Variants in ATF6 observed in about 807,000 individuals in gnomAD.
ATF6 encodes the protein activating transcription factor 6, also known as cyclic AMP-dependent transcription factor ATF-6 alpha.
A neutral mutation model predicts 83.6 loss-of-function variants in ATF6; 53 were observed. The ratio of observed to expected loss-of-function variants is 0.63; its 90% CI spans 0.51 to 0.80. The LOEUF is 0.80. ATF6 is among the 30% of genes least tolerant of loss of function. The pLI is 0.00. For synonymous variants in ATF6, 288 were observed against 285.8 expected, an observed-to-expected ratio of 1.01 and a Z score of -0.08; for missense variants, 744 against 797.9, an observed-to-expected ratio of 0.93 and a Z score of 0.81.
At chr1:161,798,264 G>C (rs1234690741) in intron 6 of ATF6, among the ~76,000 whole-genome samples, 1 of 152,172 alleles carries the variant, frequency 6.6e-6, no homozygotes, top group Non-Finnish European at 1.5e-5. Flanking sequence ...AAGATTTCAT[G>C]ATGAAGACTC....
intron 12 of ATF6, among the ~76,000 whole-genome samples, 155 bp from the exon 13 acceptor site, chr1:161,860,052 C>A (rs1686850178): frequency 6.6e-6 from 1 of 151,934 alleles, no homozygotes; most frequent in Non-Finnish European, 1.5e-5. Flanking sequence ...CTAAAGAGTT[C>A]TAATATCTGT....
chr1:161,801,238 G>T (rs1048617476), intron 6 of ATF6, among the ~76,000 whole-genome samples: 3 of 151,986 alleles, frequency 2.0e-5, no homozygotes, highest in Non-Finnish European at 4.4e-5. Flanking sequence ...GGCCATTTTT[G>T]GGGGAAGAGG....
Position 161,827,648 on chromosome 1 carries a change from G to GAA in ATF6, c.1187+6498_1187+6499dup, listed in dbSNP as rs199515359. Among the ~76,000 whole-genome samples the GAA allele has an allele frequency of 2.9e-4, 40 of 140,318 alleles. 1 individual carries two copies. Among genetic ancestry groups the GAA allele is most frequent in the African/African-American group, 8.1e-4 (31 of 38,406 alleles). The allele number at this position is 140,318 out of a possible 152,430, so 92.1% of individuals were successfully genotyped here. On this transcript the variant is annotated intron_variant, in intron 9 of 15. Coordinates refer to ENST00000367942, the MANE Select transcript of ATF6 (RefSeq NM_007348.4). ...TGTGCCTTATTGGTATGGGCCAAAT[G>GAA]AAAAAAAAAAAATAAAACACACAAG... is the stretch of plus-strand genomic sequence containing the variant.
In ATF6 at chr1:161,961,993, A is replaced by G. The variant is rs1689110663; in HGVS notation, c.*3339A>G. The G allele has an allele frequency of 6.6e-6, 1 of 152,216 alleles. No individual in the cohort carries two copies. The highest frequency in any genetic ancestry group is 6.5e-5 in the Admixed American group (1 of 15,290). The allele number at this position is 152,216 out of a possible 1,614,324, so 9.4% of individuals were successfully genotyped here. On this transcript the variant is annotated 3_prime_UTR_variant, in exon 16 of 16. Coordinates refer to ENST00000367942, the MANE Select transcript of ATF6 (RefSeq NM_007348.4). ...CTCCAAAGTTAGGAGTTAATGTGAA[A>G]GGATCATCCTTGAAACAAATCTGCT...
rs1312706798 is a variant in ATF6 at position 161,953,077 on chromosome 1, G to C, written c.1805-5369G>C. On this transcript the variant is annotated intron_variant, in intron 15 of 15. Transcript: ENST00000367942. ...GCTTGTTACAAGAATTAGATGAGCAGTGTTTAGCACACAGAAACACTAAGT... is the reference window on the plus strand; with the variant it reads ...GCTTGTTACAAGAATTAGATGAGCACTGTTTAGCACACAGAAACACTAAGT... Among the ~76,000 whole-genome samples the C allele has an allele frequency of 2.0e-5, 3 of 152,250 alleles. No individual in the cohort carries two copies. The East Asian group carries it at 5.8e-4, about 29-fold the overall frequency.
At chr1:161,801,323 A>G (rs905687710) in intron 6 of ATF6, among the ~76,000 whole-genome samples, 2 of 146,648 alleles carry the variant, frequency 1.4e-5, no homozygotes, top group African/African-American at 5.1e-5. Flanking sequence ...CTAAGATTTA[A>G]TCTCAAATGG....
rs1376372577 is a variant in ATF6, at chr1:161,863,260, T to C, written c.1667T>C (p.Phe556Ser). ...YASPRSYQDF[F>S]EAIRRRGDTF... ...TCACCCAGAAGTTATCAAGACTTTT[T>C]TGAAGCCATCCGCAGAAGGGGAGAC... The change falls in exon 14 of 16, where the codon TTT becomes TCT. Residue 556 changes from phenylalanine to serine, a missense_variant. By Grantham distance (155) the Phe-to-Ser change is radical. Transcript: ENST00000367942. 6.2e-7 allele frequency: 1 copy of C among 1,613,502 alleles called. No homozygotes were observed. The highest frequency in any genetic ancestry group is 8.5e-7 in the Non-Finnish European group (1 of 1,179,524).
intron 9 of ATF6, among the ~76,000 whole-genome samples, chr1:161,827,208 GGTGTGAGC>G (rs1685925295): frequency 6.6e-6 from 1 of 152,150 alleles, no homozygotes; most frequent in Non-Finnish European, 1.5e-5. Context: ...TGGGATTACA[GGTGTGAGC>G]CACTGCGCCT....
chr1:161,865,625 T>C lies in ATF6; in HGVS notation c.1719+2313T>C, dbSNP rs965900995. Among the ~76,000 whole-genome samples, 6 of 152,344 alleles carry C rather than the reference T, an allele frequency of 3.9e-5. No individual in the cohort carries two copies. In the East Asian group the frequency reaches 9.6e-4, roughly 24 times the overall value. The stretch of plus-strand genomic sequence containing the variant: ...TTTCCACTCCTCCCTAGTCCCTTGA[T>C]GTTCATTCAGGAAGACTGTTAGGAC... On this transcript the variant is annotated intron_variant, in intron 14 of 15. Coordinates refer to ENST00000367942, the MANE Select transcript of ATF6 (RefSeq NM_007348.4).
chr1:161,780,003 G>C (rs1447968764), intron 2 of ATF6, among the ~76,000 whole-genome samples: 1 of 152,152 alleles, frequency 6.6e-6, no homozygotes, highest in African/African-American at 2.4e-5. Context: ...CTCCCAAAGT[G>C]CTGGGATTAC....
chr1:161,908,767 CT>C (rs1311339607), intron 14 of ATF6, among the ~76,000 whole-genome samples: 1 of 152,026 alleles, frequency 6.6e-6, no homozygotes, highest in East Asian at 1.9e-4. Flanking sequence ...TTCTACTATC[CT>C]TTTTATTTTT....
intron 1 of ATF6, among the ~76,000 whole-genome samples, chr1:161,776,217 C>T (rs1042161861): frequency 6.6e-6 from 1 of 152,206 alleles, no homozygotes; most frequent in African/African-American, 2.4e-5. Context: ...TTTGCTCAGT[C>T]ACCTAACATA....
rs1359992421 is a variant in ATF6 at position 161,923,714 on chromosome 1, A to G, written c.1804+11334A>G. ...AATTATTTAGTTTATTAGAACCTTC[A>G]CAAGACCCCAGAGGTTTAGATTCAA... On this transcript the variant is annotated intron_variant, in intron 15 of 15. Coordinates refer to ENST00000367942, the MANE Select transcript of ATF6 (RefSeq NM_007348.4). Among the ~76,000 whole-genome samples the G allele has an allele frequency of 3.3e-5, 5 of 152,274 alleles. No individual in the cohort carries two copies. In the South Asian group the frequency reaches 1.0e-3, roughly 32 times the overall value.
intron 14 of ATF6, among the ~76,000 whole-genome samples, chr1:161,908,500 T>A (rs1197228824): frequency 6.6e-6 from 1 of 152,330 alleles, no homozygotes; most frequent in East Asian, 1.9e-4. Context: ...TTTATTTTCA[T>A]GGTGAAATGT....
At chr1:161,830,025 A>G (rs1686013604) in intron 9 of ATF6, among the ~76,000 whole-genome samples, 1 of 152,224 alleles carries the variant, frequency 6.6e-6, no homozygotes, top group South Asian at 2.1e-4. Context: ...TTTGCAGATG[A>G]CATGATTGTA....
At chr1:161,795,989 G>T (rs1300508184) in intron 6 of ATF6, among the ~76,000 whole-genome samples, 1 of 152,152 alleles carries the variant, frequency 6.6e-6, no homozygotes, top group Non-Finnish European at 1.5e-5. Flanking sequence ...GGTACTCTGG[G>T]ATGAAAAGGC....
chr1:161,929,002 G>A (rs972703180), intron 15 of ATF6, among the ~76,000 whole-genome samples: 7 of 152,230 alleles, frequency 4.6e-5, no homozygotes, highest in East Asian at 1.9e-4. Context: ...TTAGTCATAC[G>A]CATACACCTT....
intron 14 of ATF6, among the ~76,000 whole-genome samples, chr1:161,879,298 G>A (rs945175512): frequency 6.6e-6 from 1 of 152,158 alleles, no homozygotes; most frequent in Non-Finnish European, 1.5e-5. Context: ...GTCTTGGCCA[G>A]TGGGATAGTG....
At chr1:161,810,067 A>G (rs1685417878) in intron 7 of ATF6, among the ~76,000 whole-genome samples, 1 of 152,190 alleles carries the variant, frequency 6.6e-6, no homozygotes, top group Non-Finnish European at 1.5e-5. Context: ...GGTAGTTCTA[A>G]TTGAGAAGTC....
Sources: allele counts gnomAD v4.1 joint callset (sites outside exome capture counted in the v4.1 genomes callset), GRCh38; gene constraint gnomAD v4.1.1; transcripts MANE v1.5; gene names NCBI Gene and HGNC (gene_info 2026-07-23, HGNC 2026-07-21).